Variants in CHEK1 observed in about 807,000 individuals in gnomAD.
CHEK1 encodes the protein serine/threonine-protein kinase Chk1.
Under a neutral mutation model 60.2 loss-of-function variants are expected in CHEK1, and 32 were observed. The observed-to-expected ratio is 0.53, with a 90% confidence interval of 0.40 to 0.71. The LOEUF is 0.71. CHEK1 is among the 30% of genes least tolerant of loss of function. The pLI is 0.00. For synonymous variants in CHEK1, 179 were observed against 187.2 expected, an observed-to-expected ratio of 0.96 and a Z score of 0.36; for missense variants, 399 against 564.6, an observed-to-expected ratio of 0.71 and a Z score of 2.97.
At position 125,625,880 on chromosome 11, in the gene CHEK1, G is replaced by A. The variant is rs979249989; in HGVS notation, c.-153G>A. On this transcript the variant is annotated 5_prime_UTR_variant, in exon 1 of 13. Transcript: ENST00000438015. ...TTTGGAGCCGCCGACATTCAGAGGGGCAGGACACGGGAACGCGCGCTGTCT... is the reference window on the plus strand; with the variant it reads ...TTTGGAGCCGCCGACATTCAGAGGGACAGGACACGGGAACGCGCGCTGTCT... The A allele has an allele frequency of 5.7e-6, 4 of 702,554 alleles. No homozygotes were observed. Among genetic ancestry groups the A allele is most frequent in the Non-Finnish European group, 1.0e-5 (4 of 385,032 alleles). The allele number at this position is 702,554 out of a possible 1,614,324, so 43.5% of individuals were successfully genotyped here.
At chr11:125,637,414 T>C in intron 7 of CHEK1, 35 bp from the exon 8 acceptor site, 4 of 1,558,576 alleles carry the variant, frequency 2.6e-6, no homozygotes, top group Non-Finnish European at 1.8e-6. Flanking sequence ...CTAACATGAT[T>C]CTTTCGTGAA....
Position 125,627,717 on chromosome 11 carries a change from A to T in CHEK1, c.176A>T (p.Asn59Ile). The change falls in exon 3 of 13, where the codon AAT becomes ATT. Residue 59 changes from asparagine (N) to isoleucine (I), a missense_variant. This residue lies in a region of CHEK1 where 370 missense variants were observed against 494.8 expected (regional missense o/e 0.75). Transcript: ENST00000438015. The part of the protein sequence containing the change: ...PENIKKEICI[N>I]KMLNHENVVK... ...AATATTAAGAAAGAGATCTGTATCA[A>T]TAAAATGCTAAATCATGAAAATGTA... 9.3e-6 allele frequency: 15 copies of T among 1,613,864 alleles called. No individual in the cohort carries two copies. Among genetic ancestry groups the T allele is most frequent in the Non-Finnish European group, 1.3e-5 (15 of 1,179,838 alleles).
At chr11:125,677,789 T>A, downstream of CHEK1, 1 of 1,613,424 alleles carries the variant, frequency 6.2e-7, no homozygotes, top group Non-Finnish European at 8.5e-7. Flanking sequence ...CATCCAAACA[T>A]GGCTCACCTG....
chr11:125,677,675 G>A (rs959768326), downstream of CHEK1: 4 of 1,311,694 alleles, frequency 3.0e-6, no homozygotes, highest in African/African-American at 4.4e-5. Flanking sequence ...CTTTGAGAGA[G>A]CTGTTTGTGA....
chr11:125,630,344 TG>T (rs1305061021), intron 5 of CHEK1, among the ~76,000 whole-genome samples: 2 of 151,730 alleles, frequency 1.3e-5, no homozygotes, highest in African/African-American at 4.8e-5. Flanking sequence ...AGAGTCTTGC[TG>T]TGTTGCCCAG....
downstream of CHEK1, chr11:125,657,224 G>C (rs557913073): frequency 4.5e-4 from 61 of 135,194 alleles, no homozygotes; most frequent in Admixed American, 8.2e-4. Flanking sequence ...TGTGTAATGT[G>C]TACAGTGTGT....
chr11:125,627,467 CAT>C, intron 2 of CHEK1, 138 bp from the exon 3 acceptor site: 2 of 647,878 alleles, frequency 3.1e-6, no homozygotes, highest in Non-Finnish European at 5.3e-6. Flanking sequence ...GTGTTGAGAA[CAT>C]AGCAGAAACC....
rs760909765 is a variant in CHEK1, at chr11:125,627,826, A to G, written c.285A>G (p.Arg95=). The G allele has an allele frequency of 1.3e-6, 2 of 1,562,152 alleles. No individual in the cohort carries two copies. The highest frequency in any genetic ancestry group is 2.4e-5 in the South Asian group (2 of 84,148). ...EYCSGGELFD[R]IEPDIGMPEP... is the part of the protein sequence containing the mutation. ...GTAGTGGAGGAGAGCTTTTTGACAG[A>G]ATAGGTATGGAAGAAATTTAAGATA... Residue 95 remains arginine, a synonymous_variant, in exon 3 of 13, where the codon AGA becomes AGG. Coordinates refer to ENST00000438015, the MANE Select transcript of CHEK1 (RefSeq NM_001114122.3).
chr11:125,652,158 A>G (rs1299034003), intron 11 of CHEK1, among the ~76,000 whole-genome samples: 1 of 152,182 alleles, frequency 6.6e-6, no homozygotes, highest in Non-Finnish European at 1.5e-5. Context: ...TTTTTGGGCA[A>G]ATCTGCTGAT....
At chr11:125,639,433 G>T (rs1220803555) in intron 8 of CHEK1, among the ~76,000 whole-genome samples, 3 of 140,662 alleles carry the variant, frequency 2.1e-5, no homozygotes, top group African/African-American at 8.0e-5. Context: ...GTGCAGTGGC[G>T]CCATCTCCAC....
chr11:125,650,950 T>A (rs1286132839), intron 11 of CHEK1, among the ~76,000 whole-genome samples: 1 of 152,150 alleles, frequency 6.6e-6, no homozygotes, highest in Non-Finnish European at 1.5e-5. Context: ...CAGCCTTCGC[T>A]ATCTGCTTGT....
chr11:125,631,452 A>C (rs997370599), intron 5 of CHEK1, among the ~76,000 whole-genome samples: 2 of 152,154 alleles, frequency 1.3e-5, no homozygotes, highest in Non-Finnish European at 2.9e-5. Flanking sequence ...ATTATGTTGC[A>C]GACATAACAA....
At chr11:125,676,195 A>C (rs1942498157) in exon 14 of CHEK1, 1 of 909,918 alleles carries the variant, frequency 1.1e-6, no homozygotes, top group Admixed American at 2.7e-5. Flanking sequence ...GGTGTGAGCC[A>C]CCTCGCCTGG....
rs3731480 is a variant in CHEK1, at chr11:125,655,693, A to ATTTC, written c.*375_*376insTCTT. The ATTTC allele has an allele frequency of 0.39, 88,011 of 226,156 alleles. 17,610 individuals carry two copies. The highest frequency in any genetic ancestry group is 0.5 in the African/African-American group (22,368 of 44,654). 14.0% of individuals were successfully genotyped at this position (226,156 alleles called of 1,614,324 possible). A position where few individuals can be genotyped will look rare whatever the true frequency, so the allele number is the denominator to read the frequency against. On this transcript the variant is annotated 3_prime_UTR_variant, in exon 13 of 13. Transcript: ENST00000438015. Reference sequence around the variant, plus strand: ...ATTTTGTTTAATTCAAAAAGTACATATTCCATGTTGATTTAATTCTAAGAT... The same window carrying ATTTC: ...ATTTTGTTTAATTCAAAAAGTACATATTTCTTCCATGTTGATTTAATTCTAAGAT...
At chr11:125,628,284 A>G (rs1046922635) in intron 3 of CHEK1, among the ~76,000 whole-genome samples, 5 of 152,204 alleles carry the variant, frequency 3.3e-5, no homozygotes, top group African/African-American at 7.2e-5. Flanking sequence ...TGCTTTTTGT[A>G]TATTAAGTAA....
chr11:125,657,692 A>G (rs539937700), downstream of CHEK1, among the ~76,000 whole-genome samples: 20 of 152,262 alleles, frequency 1.3e-4, no homozygotes, highest in South Asian at 1.2e-3. Context: ...TAATTTTTAT[A>G]TAGGATGTAT....
At chr11:125,658,688 T>A (rs1941962093), downstream of CHEK1, among the ~76,000 whole-genome samples, 1 of 56,888 alleles carries the variant, frequency 1.8e-5, no homozygotes, top group Non-Finnish European at 4.0e-5. Context: ...GCTTTTGCTT[T>A]TTTTTTTTTT....
At chr11:125,639,445 C>G (rs1013788708) in intron 8 of CHEK1, among the ~76,000 whole-genome samples, 8 of 141,030 alleles carry the variant, frequency 5.7e-5, no homozygotes, top group African/African-American at 2.1e-4. Context: ...CATCTCCACT[C>G]ACTTCAACCT....
At chr11:125,647,126 T>C (rs1435449737) in intron 11 of CHEK1, among the ~76,000 whole-genome samples, 3 of 152,186 alleles carry the variant, frequency 2.0e-5, no homozygotes, top group Non-Finnish European at 4.4e-5. Context: ...TCTTAAAGTT[T>C]AGCTCTTATA....
Sources: gnomAD v4.1 joint callset for allele counts (sites outside exome capture counted in the v4.1 genomes callset) on GRCh38, gnomAD v4.1.1 for gene constraint, gnomAD v4.1.1 regional missense constraint, MANE v1.5 for transcripts, NCBI Gene and HGNC (gene_info 2026-07-23, HGNC 2026-07-21) for gene names.